The following AFF2 variants were observed in gnomAD, a reference collection of about 807,000 sequenced individuals.
AFF2 encodes the protein ALF transcription elongation factor 2.
A neutral mutation model predicts 76.9 loss-of-function variants in AFF2; 14 were observed. The observed-to-expected ratio is 0.18, with a 90% CI of 0.12 to 0.28. The LOEUF (loss-of-function observed/expected upper bound fraction) is 0.28, where lower values mean the gene tolerates loss of function less well. Among genes scored for constraint, AFF2 ranks in the 10% least tolerant of loss-of-function variants. AFF2 has a pLI of 1.00. For missense variants in AFF2, 868 were observed against 1,001.1 expected (o/e 0.87, Z 1.79); for synonymous variants, 398 against 366.7 (o/e 1.09, Z -0.98).
At chrX:148,723,027 T>C (rs1232314072) in intron 3 of AFF2, among the ~76,000 whole-genome samples, 1 of 111,579 alleles carries the variant, frequency 9.0e-6, no homozygotes, top group Non-Finnish European at 1.9e-5. Flanking sequence ...GTCAGTCCTC[T>C]ACCTTGTCAT....
At chrX:148,959,009 A>T (rs1479941213) in intron 12 of AFF2, among the ~76,000 whole-genome samples, 4 of 109,685 alleles carry the variant, frequency 3.6e-5, no homozygotes, top group African/African-American at 1.3e-4. Flanking sequence ...AAAAAAAAAA[A>T]AAAAAGCTGT....
chrX:148,833,094 G>T (rs1250058021), intron 4 of AFF2, among the ~76,000 whole-genome samples: 1 of 110,713 alleles, frequency 9.0e-6, no homozygotes, highest in Non-Finnish European at 1.9e-5. Flanking sequence ...CTGTAAAAGG[G>T]ATACACACAC....
At chrX:148,691,245 G>A (rs1471790676) in intron 3 of AFF2, among the ~76,000 whole-genome samples, 2 of 112,318 alleles carry the variant, frequency 1.8e-5, no homozygotes, top group Non-Finnish European at 3.8e-5. Flanking sequence ...AACAGTGGTA[G>A]TGTGGGTTGT....
At chrX:148,687,025 G>A (rs2124496829) in intron 3 of AFF2, among the ~76,000 whole-genome samples, 1 of 111,776 alleles carries the variant, frequency 8.9e-6, no homozygotes, top group South Asian at 3.7e-4. Flanking sequence ...AACCTGTGGA[G>A]CTTAAAGGAT....
chrX:148,660,368 G>A (rs782246744), intron 2 of AFF2, among the ~76,000 whole-genome samples: 2 of 111,151 alleles, frequency 1.8e-5, no homozygotes, highest in African/African-American at 3.3e-5. Context: ...CTGCCAATCC[G>A]TATCTTCTCA....
chrX:148,869,710 A>C, intron 7 of AFF2, among the ~76,000 whole-genome samples: 1 of 112,177 alleles, frequency 8.9e-6, no homozygotes, highest in Non-Finnish European at 1.9e-5. Context: ...GGCTTAAAGC[A>C]ACAGGAATGT....
chrX:148,936,093 A>G (rs1557285011), intron 9 of AFF2, among the ~76,000 whole-genome samples: 1 of 111,402 alleles, frequency 9.0e-6, no homozygotes, highest in Non-Finnish European at 1.9e-5. Flanking sequence ...AAAAGTACAT[A>G]AGGTCTGTAG....
At chrX:148,706,073 C>T (rs1201279380) in intron 3 of AFF2, among the ~76,000 whole-genome samples, 1 of 112,088 alleles carries the variant, frequency 8.9e-6, no homozygotes, top group Non-Finnish European at 1.9e-5. Context: ...ATCAACTGCA[C>T]TTCTTAAACC....
At chrX:148,758,684 G>A (rs782412947) in intron 3 of AFF2, among the ~76,000 whole-genome samples, 132 of 111,491 alleles carry the variant, frequency 1.2e-3, no homozygotes, top group Non-Finnish European at 2.3e-3. Flanking sequence ...TTACATTTTT[G>A]ATTTAACATT....
rs182074315 is a variant in AFF2, at chrX:148,783,081, G to T, written c.1042-26795G>T. ...AGGGAGCAAATAACATTGAAAAAGA[G>T]AAAGAGGCTGTTTTCTATCCTCAAT... On this transcript the variant is annotated intron_variant, in intron 3 of 20. Coordinates refer to ENST00000370460, the MANE Select transcript of AFF2 (RefSeq NM_002025.4). 5.7e-4 allele frequency among the ~76,000 whole-genome samples: 64 copies of T among 111,973 alleles called. 1 individual carries two copies. Among genetic ancestry groups the T allele is most frequent in the Admixed American group, 5.5e-3 (58 of 10,560 alleles).
intron 9 of AFF2, among the ~76,000 whole-genome samples, chrX:148,915,685 G>A (rs782196964): frequency 1.8e-5 from 2 of 112,267 alleles, no homozygotes; most frequent in Non-Finnish European, 3.8e-5. Context: ...TCTCTCTCAC[G>A]AGCTGGAGAT....
At chrX:148,743,389 G>T (rs1461299187) in intron 3 of AFF2, among the ~76,000 whole-genome samples, 3 of 112,155 alleles carry the variant, frequency 2.7e-5, no homozygotes, top group African/African-American at 6.5e-5. Context: ...AAATTGCAAT[G>T]CCTGCAAGTG....
intron 7 of AFF2, among the ~76,000 whole-genome samples, chrX:148,873,526 A>G (rs1165476569): frequency 9.3e-6 from 1 of 106,952 alleles, no homozygotes; most frequent in Non-Finnish European, 1.9e-5. Flanking sequence ...TCCTTATCAG[A>G]TATATGACCC....
chrX:148,822,595 A>G (rs2070341633), intron 4 of AFF2: 1 of 110,934 alleles, frequency 9.0e-6, no homozygotes, highest in African/African-American at 3.3e-5. Context: ...AGAGATTTTC[A>G]AATCTCTCAA....
chrX:148,652,638 G>A (rs2054213680), intron 2 of AFF2, among the ~76,000 whole-genome samples: 1 of 111,819 alleles, frequency 8.9e-6, no homozygotes, highest in African/African-American at 3.3e-5. Context: ...CATTTTTCCT[G>A]GTGGTTAATA....
intron 16 of AFF2, among the ~76,000 whole-genome samples, chrX:148,976,059 G>A (rs904198863): frequency 9.1e-5 from 10 of 109,679 alleles, no homozygotes; most frequent in Non-Finnish European, 1.3e-4. Flanking sequence ...AGTTATTTAG[G>A]GAAAAAAACA....
chrX:148,801,050 G>A (rs1312473329), intron 3 of AFF2, among the ~76,000 whole-genome samples: 3 of 111,396 alleles, frequency 2.7e-5, no homozygotes, highest in African/African-American at 9.8e-5. Flanking sequence ...TTTGGCCCTG[G>A]GCTTAATTTC....
intron 3 of AFF2, among the ~76,000 whole-genome samples, chrX:148,676,986 G>A (rs1346913394): frequency 1.8e-5 from 2 of 110,914 alleles, no homozygotes; most frequent in African/African-American, 6.6e-5. Flanking sequence ...TTGGGGGAAG[G>A]GAGTAACATG....
chrX:148,812,870 G>A (rs1369282502), intron 4 of AFF2, among the ~76,000 whole-genome samples: 1 of 111,859 alleles, frequency 8.9e-6, no homozygotes, highest in Non-Finnish European at 1.9e-5. Flanking sequence ...CATTCATCTG[G>A]CAATGTTCTC....
Sources: allele counts gnomAD v4.1 joint callset (sites outside exome capture counted in the v4.1 genomes callset), GRCh38; gene constraint gnomAD v4.1.1; transcripts MANE v1.5; gene names NCBI Gene and HGNC (gene_info 2026-07-23, HGNC 2026-07-21).